CROCC2: variants seen among roughly 807,000 people sequenced by gnomAD.
CROCC2 encodes the protein ciliary rootlet coiled-coil protein 2.
A neutral mutation model predicts 177.6 loss-of-function variants in CROCC2; 163 were observed. That is an observed-to-expected ratio of 0.92 (90% CI 0.81 to 1.05). The LOEUF (loss-of-function observed/expected upper bound fraction) is 1.05. CROCC2 is among the 50% of genes least tolerant of loss of function. The pLI is 0.00. For missense variants in CROCC2, 1,929 were observed against 1,797.8 expected (o/e 1.07, Z -1.32); for synonymous variants, 904 against 787.3 (o/e 1.15, Z -2.48).
intron 14 of CROCC2, among the ~76,000 whole-genome samples, chr2:240,945,563 G>A (rs867792048): frequency 1.3e-5 from 2 of 152,126 alleles, no homozygotes; most frequent in African/African-American, 4.8e-5. Flanking sequence ...ATTAAATGCT[G>A]GGCTCATTCC....
In CROCC2 at chr2:240,958,785, G is replaced by A. The variant is rs1255401425; in HGVS notation, c.2944-516G>A. Among the ~76,000 whole-genome samples the A allele has an allele frequency of 2.6e-5, 4 of 152,206 alleles. No individual in the cohort carries two copies. The highest frequency in any genetic ancestry group is 1.3e-4 in the Admixed American group (2 of 15,290). ...GGGCCTTGAGAGGAAGCGGGGTGGTGTCCCGAGGGGCCTGGGGCTTGGGGT... is the reference window on the plus strand; with the variant it reads ...GGGCCTTGAGAGGAAGCGGGGTGGTATCCCGAGGGGCCTGGGGCTTGGGGT... On this transcript the variant is annotated intron_variant, in intron 19 of 31. Transcript: ENST00000690015. This position sits in a 1 kb window ranked among gnomAD's most constrained non-coding sequence, Gnocchi z 6.7.
chr2:240,933,934 C>A, intron 11 of CROCC2, 82 bp downstream of exon 11: 2 of 1,419,474 alleles, frequency 1.4e-6, no homozygotes, highest in Non-Finnish European at 1.9e-6. Context: ...TGGCCTTGGG[C>A]CACGGGTCTG....
chr2:240,933,275 C>A lies in CROCC2; in HGVS notation c.1396C>A (p.Arg466=), dbSNP rs772318588. 6.5e-7 allele frequency: 1 copy of A among 1,547,052 alleles called. No homozygotes were observed. Among genetic ancestry groups the A allele is most frequent in the Admixed American group, 2.0e-5 (1 of 50,910 alleles). Residue 466 remains arginine (R), a synonymous_variant, in exon 10 of 32, where the codon CGG becomes AGG. Transcript: ENST00000690015. ...REQAREREAL[R]GQLEAQRLEV... is the part of the protein sequence containing the mutation. ...GCAGGCACGGGAACGAGAGGCTCTT[C>A]GGGGCCAGCTGGAGGCCCAGAGGCT... is the stretch of plus-strand genomic sequence containing the variant.
intron 27 of CROCC2, among the ~76,000 whole-genome samples, chr2:240,971,006 G>A (rs1174570991): frequency 6.6e-6 from 1 of 152,178 alleles, no homozygotes; most frequent in Non-Finnish European, 1.5e-5. Context: ...CCAGCGTGGC[G>A]AGTCCAGCTC....
At chr2:240,985,682 CCACACACACCCAGGCACTCACTCCA>C (rs2059835448) in intron 28 of CROCC2, among the ~76,000 whole-genome samples, 1 of 46,130 alleles carries the variant, frequency 2.2e-5, no homozygotes, top group Non-Finnish European at 3.5e-5. Flanking sequence ...GGCACTCACT[CCACACACACCCAGGCACTCACTCCA>C]CACACACACA....
Position 240,953,635 on chromosome 2 carries a change from G to A in CROCC2, c.2830-2224G>A, listed in dbSNP as rs1258536444. On this transcript the variant is annotated intron_variant, in intron 18 of 31. Coordinates refer to ENST00000690015, the MANE Select transcript of CROCC2 (RefSeq NM_001351305.2). The surrounding 1 kb of genome is among the most constrained non-coding windows in gnomAD (Gnocchi z 4.0). ...CCCTTTATTCTTGGCGGCCTGTGTA[G>A]AGAAATTGAGTGGAGAAGTGGGGCT... Among the ~76,000 whole-genome samples, 1 of 152,198 alleles carries A rather than the reference G, an allele frequency of 6.6e-6. No individual in the cohort carries two copies. Among genetic ancestry groups the A allele is most frequent in the Non-Finnish European group, 1.5e-5 (1 of 68,032 alleles).
rs544884869 is a variant in CROCC2 at position 240,960,676 on chromosome 2, G to A, written c.3087+1232G>A. Among the ~76,000 whole-genome samples, 204 of 152,258 alleles carry A rather than the reference G, an allele frequency of 1.3e-3. No individual in the cohort carries two copies. Among genetic ancestry groups the A allele is most frequent in the African/African-American group, 4.5e-3 (189 of 41,566 alleles). ...CAGCTGACCTGGTGCTGGAGCGAGC[G>A]GCTGGCGCACACCACGCCCCAGAGG... On this transcript the variant is annotated intron_variant, in intron 20 of 31. Transcript: ENST00000690015. This position sits in a 1 kb window ranked among gnomAD's most constrained non-coding sequence, Gnocchi z 5.0.
rs1483449816 is a variant in CROCC2 at position 240,965,480 on chromosome 2, G to A, written c.3565G>A (p.Ala1189Thr). 9 of 1,550,008 alleles carry A rather than the reference G, an allele frequency of 5.8e-6. No homozygotes were observed. Among genetic ancestry groups the A allele is most frequent in the Non-Finnish European group, 7.8e-6 (9 of 1,146,998 alleles). Residue 1189 changes from alanine (A) to threonine (T), a missense_variant, in exon 23 of 32, where the codon GCC becomes ACC. Physicochemically the swap from Ala to Thr is moderately conservative, Grantham distance 58. This residue lies in a region of CROCC2 where 144 missense variants were observed against 205.2 expected (regional missense o/e 0.70). Coordinates refer to ENST00000690015, the MANE Select transcript of CROCC2 (RefSeq NM_001351305.2). ...QEVLELRRQA[A>T]KAEAKHEGAR... ...GGTGCTGGAGCTGCGGAGGCAGGCAGCCAAGGCAGAGGCCAAGCACGAGGG... is the reference window on the plus strand; with the variant it reads ...GGTGCTGGAGCTGCGGAGGCAGGCAACCAAGGCAGAGGCCAAGCACGAGGG...
intron 2 of CROCC2, among the ~76,000 whole-genome samples, 198 bp downstream of exon 2, chr2:240,919,074 G>GCGGCTGGCCAAGGTGACGGCGT (rs2059340453): frequency 7.1e-6 from 1 of 140,816 alleles, no homozygotes; most frequent in East Asian, 2.8e-4. Context: ...TCCTGGGCCC[G>GCGGCTGGCCAAGGTGACGGCGT]GGGCTGGGCA....
intron 28 of CROCC2, among the ~76,000 whole-genome samples, chr2:240,984,532 C>T (rs1464207009): frequency 1.7e-5 from 2 of 117,804 alleles, no homozygotes; most frequent in African/African-American, 6.8e-5. Context: ...GAGCATTCCA[C>T]ACACACCCAG....
In CROCC2 at chr2:240,935,471, A is replaced by C. The variant is rs1445741513; in HGVS notation, c.2052A>C (p.Ala684=). Residue 684 remains alanine (A), a synonymous_variant, in exon 14 of 32, where the codon GCA becomes GCC. Transcript: ENST00000690015. ...QAEQQLALER[A]ERRGLQQACG... ...AGCAGCAGCTGGCGCTGGAGCGGGCAGAGCGCAGGGGCCTGCAGCAGGCCT... is the reference window on the plus strand; with the variant it reads ...AGCAGCAGCTGGCGCTGGAGCGGGCCGAGCGCAGGGGCCTGCAGCAGGCCT... 1 of 1,368,434 alleles carries C rather than the reference A, an allele frequency of 7.3e-7. No homozygotes were observed. The highest frequency in any genetic ancestry group is 3.2e-5 in the Admixed American group (1 of 31,262). The allele number at this position is 1,368,434 out of a possible 1,614,324, so 84.8% of individuals were successfully genotyped here.
At position 240,960,370 on chromosome 2, in the gene CROCC2, C is replaced by A. The variant is rs1370087471; in HGVS notation, c.3087+926C>A. Among the ~76,000 whole-genome samples, 1 of 152,116 alleles carries A rather than the reference C, an allele frequency of 6.6e-6. No individual in the cohort carries two copies. The highest frequency in any genetic ancestry group is 2.4e-5 in the African/African-American group (1 of 41,434). On this transcript the variant is annotated intron_variant, in intron 20 of 31. Transcript: ENST00000690015. The surrounding 1 kb of genome is among the most constrained non-coding windows in gnomAD (Gnocchi z 5.0). ...AAGGGCCCGAGGTTGACACGGAGGC[C>A]CCCAGGAGCCACATGATGGTGACGT...
At chr2:240,971,614 T>C (rs1363748249) in intron 27 of CROCC2, among the ~76,000 whole-genome samples, 1 of 152,148 alleles carries the variant, frequency 6.6e-6, no homozygotes, top group African/African-American at 2.4e-5. Context: ...TGTGGGCGTG[T>C]CGGCCCCTTT....
chr2:240,989,125 G>A (rs991564310), intron 29 of CROCC2, among the ~76,000 whole-genome samples: 4 of 152,146 alleles, frequency 2.6e-5, no homozygotes, highest in Non-Finnish European at 4.4e-5. Flanking sequence ...GCCAGGCCCG[G>A]GCTCTGTAGA....
intron 15 of CROCC2, 40 bp from the exon 16 acceptor site, chr2:240,948,939 C>A: frequency 6.5e-7 from 1 of 1,541,104 alleles, no homozygotes; most frequent in Non-Finnish European, 8.8e-7. Context: ...CACGCAGGAT[C>A]TTGGGGATGA....
In CROCC2 at chr2:240,917,385, G is replaced by A. The variant is rs372550865; in HGVS notation, c.79-1341G>A. ...GATAGCCAGACAGCATGCACCAGGT[G>A]CAGGAGGCCTGGCTGGGGTTGGGAG... On this transcript the variant is annotated intron_variant, in intron 1 of 31. Transcript: ENST00000690015. The surrounding 1 kb of genome is among the most constrained non-coding windows in gnomAD (Gnocchi z 4.9). Among the ~76,000 whole-genome samples, 1 of 152,308 alleles carries A rather than the reference G, an allele frequency of 6.6e-6. No individual in the cohort carries two copies. Among genetic ancestry groups the A allele is most frequent in the African/African-American group, 2.4e-5 (1 of 41,588 alleles).
At chr2:240,981,816 C>T in intron 27 of CROCC2, 2 of 152,124 alleles carry the variant, frequency 1.3e-5, no homozygotes, top group Admixed American at 1.3e-4. Flanking sequence ...CCCACAAAAC[C>T]CTCAGGAAGG....
At position 240,992,187 on chromosome 2, in the gene CROCC2, T is replaced by A. The variant is rs1392527934; in HGVS notation, c.4947-879T>A. 4.6e-5 allele frequency among the ~76,000 whole-genome samples: 7 copies of A among 152,218 alleles called. No individual in the cohort carries two copies. The East Asian group carries it at 1.4e-3, about 29-fold the overall frequency. On this transcript the variant is annotated intron_variant, in intron 31 of 31. Coordinates refer to ENST00000690015, the MANE Select transcript of CROCC2 (RefSeq NM_001351305.2). ...TCGTCTCCATCACCGTTGCTCAGAG[T>A]GACTTGTTCTCCTCTCCAAAGGGCC...
rs1463222250 is a variant in CROCC2 at position 240,949,670 on chromosome 2, C to T, written c.2620C>T (p.Arg874Ter). 10 of 1,548,996 alleles carry T rather than the reference C, an allele frequency of 6.5e-6. No homozygotes were observed. Among genetic ancestry groups the T allele is most frequent in the East Asian group, 2.4e-5 (1 of 40,900 alleles). Residue 874 changes from arginine to a stop codon, truncating the protein, a stop_gained, in exon 17 of 32, where the codon CGA becomes TGA. Transcript: ENST00000690015. LOFTEE classifies it high-confidence loss of function. This position sits in a 1 kb window ranked among gnomAD's most constrained non-coding sequence, Gnocchi z 4.5. ...CCTGGAGAGCCAGGCGTTGGCCCAC[C>T]GAGAGGCCCTGGCACAGCTCCAAAG... ...RALESQALAH[R>*]EALAQLQREK...
Sources: gnomAD v4.1 joint callset for allele counts (sites outside exome capture counted in the v4.1 genomes callset) on GRCh38, gnomAD v4.1.1 for gene constraint, gnomAD v4.1.1 regional missense constraint, Gnocchi (gnomAD v3.1) non-coding constraint, MANE v1.5 for transcripts, NCBI Gene and HGNC (gene_info 2026-07-23, HGNC 2026-07-21) for gene names.